The following DGKI variants were observed in gnomAD, a reference collection of about 807,000 sequenced individuals.
DGKI encodes the protein diacylglycerol kinase iota, also known as DAG kinase iota.
In DGKI, 55 loss-of-function variants were observed where a neutral mutation model predicts 147.5. The observed-to-expected ratio is 0.37, with a 90% CI of 0.30 to 0.47. The LOEUF (loss-of-function observed/expected upper bound fraction) is 0.47. Among genes scored for constraint, DGKI ranks in the 20% least tolerant of loss-of-function variants. The pLI, the probability that DGKI is intolerant of heterozygous loss-of-function variation, is 1.00. For synonymous variants in DGKI, 469 were observed against 477.1 expected (o/e 0.98, Z 0.22); for missense variants, 1,007 against 1,323.8 (o/e 0.76, Z 3.71).
chr7:137,436,422 C>T (rs1813288723), intron 28 of DGKI, among the ~76,000 whole-genome samples: 1 of 152,054 alleles, frequency 6.6e-6, no homozygotes, highest in African/African-American at 2.4e-5. Context: ...TTTCCTATTA[C>T]ACCAGCTCAA....
intron 1 of DGKI, among the ~76,000 whole-genome samples, chr7:137,713,519 T>C (rs957527191): frequency 2.6e-5 from 4 of 152,252 alleles, no homozygotes; most frequent in Non-Finnish European, 4.4e-5. Context: ...GAACTCATGC[T>C]AGCTCTTTAT....
chr7:137,451,455 AC>A (rs1227340178), intron 27 of DGKI, among the ~76,000 whole-genome samples: 1 of 152,214 alleles, frequency 6.6e-6, no homozygotes, highest in Non-Finnish European at 1.5e-5. Flanking sequence ...CCTTCAATCC[AC>A]AAATTTTCCT....
chr7:137,426,755 C>G (rs1486940568), intron 28 of DGKI, among the ~76,000 whole-genome samples: 3 of 151,224 alleles, frequency 2.0e-5, no homozygotes, highest in Non-Finnish European at 4.4e-5. Flanking sequence ...CAATCCTAGT[C>G]TCTGATAAAA....
intron 1 of DGKI, among the ~76,000 whole-genome samples, chr7:137,834,956 C>T (rs1307432610): frequency 6.6e-6 from 1 of 152,188 alleles, no homozygotes; most frequent in African/African-American, 2.4e-5. Flanking sequence ...ATTAAGTATA[C>T]GTCCTCCTCT....
At chr7:137,747,823 T>C (rs538566247) in intron 1 of DGKI, among the ~76,000 whole-genome samples, 5 of 152,324 alleles carry the variant, frequency 3.3e-5, no homozygotes, top group Admixed American at 6.5e-5. Context: ...AAACCCCTAC[T>C]GCCACTCACT....
intron 28 of DGKI, among the ~76,000 whole-genome samples, chr7:137,437,031 A>T (rs1339061469): frequency 6.6e-6 from 1 of 152,168 alleles, no homozygotes; most frequent in East Asian, 1.9e-4. Flanking sequence ...CATCATGACC[A>T]CCTGGCAGTG....
intron 28 of DGKI, among the ~76,000 whole-genome samples, chr7:137,440,229 A>G (rs544944493): frequency 6.6e-6 from 1 of 152,228 alleles, no homozygotes; most frequent in African/African-American, 2.4e-5. Flanking sequence ...GTAGGGCTCC[A>G]GTTTCCAGAT....
In DGKI at chr7:137,648,625, G is replaced by C. The variant is rs189158851; in HGVS notation, c.739-3088C>G. Among the ~76,000 whole-genome samples, 206 of 152,310 alleles carry C rather than the reference G, an allele frequency of 1.4e-3. 2 individuals are homozygous for C. Among genetic ancestry groups the C allele is most frequent in the Non-Finnish European group, 2.1e-3 (144 of 68,032 alleles). On this transcript the variant is annotated intron_variant, in intron 5 of 32. Coordinates refer to ENST00000614521, the MANE Select transcript of DGKI (RefSeq NM_001321708.2). The stretch of plus-strand genomic sequence containing the variant: ...GGGGTGATTCATATCCCAGGACAGA[G>C]CAGGATGGCACAAGATTTCGTCGTG...
intron 1 of DGKI, among the ~76,000 whole-genome samples, chr7:137,751,324 A>G (rs1383027104): frequency 6.6e-6 from 1 of 152,238 alleles, no homozygotes; most frequent in African/African-American, 2.4e-5. Flanking sequence ...CCACTATCAG[A>G]CATCTCTGTT....
intron 5 of DGKI, among the ~76,000 whole-genome samples, chr7:137,648,727 T>C (rs1585326817): frequency 6.6e-6 from 1 of 152,192 alleles, no homozygotes; most frequent in East Asian, 1.9e-4. Flanking sequence ...TTTTGGACTG[T>C]GGTTGACCTT....
chr7:137,535,929 A>C (rs188532322), intron 20 of DGKI, among the ~76,000 whole-genome samples: 2 of 152,244 alleles, frequency 1.3e-5, no homozygotes, highest in Admixed American at 1.3e-4. Context: ...AAAAGACTTC[A>C]AATTACTTAG....
intron 1 of DGKI, among the ~76,000 whole-genome samples, chr7:137,755,906 C>T (rs1795663489): frequency 6.6e-6 from 1 of 152,168 alleles, no homozygotes; most frequent in African/African-American, 2.4e-5. Context: ...AAGAAAAAGA[C>T]TTGGGTTCCT....
intron 19 of DGKI, among the ~76,000 whole-genome samples, chr7:137,553,862 T>C (rs1818133012): frequency 1.3e-5 from 2 of 152,226 alleles, no homozygotes; most frequent in Non-Finnish European, 2.9e-5. Context: ...GATTTTACTC[T>C]TTTTATTTTG....
chr7:137,738,850 G>A (rs1271204405), intron 1 of DGKI, among the ~76,000 whole-genome samples: 3 of 150,484 alleles, frequency 2.0e-5, no homozygotes, highest in Non-Finnish European at 2.9e-5. Flanking sequence ...ACCAGAACAC[G>A]CAGGTCTGGT....
chr7:137,543,036 G>C (rs368392179), intron 20 of DGKI, among the ~76,000 whole-genome samples: 22 of 152,326 alleles, frequency 1.4e-4, no homozygotes, highest in East Asian at 9.6e-4. Context: ...GATGGGGGAA[G>C]AGCAGGAGGG....
intron 3 of DGKI, among the ~76,000 whole-genome samples, chr7:137,664,095 G>A (rs1330973638): frequency 6.6e-6 from 1 of 152,150 alleles, no homozygotes; most frequent in African/African-American, 2.4e-5. Flanking sequence ...AAAATAGTGC[G>A]GCTGGGTGCA....
chr7:137,588,624 A>G (rs1452027765), intron 12 of DGKI, among the ~76,000 whole-genome samples: 1 of 152,080 alleles, frequency 6.6e-6, no homozygotes, highest in South Asian at 2.1e-4. Context: ...CTACAGGCGT[A>G]TGCCACCACG....
intron 1 of DGKI, among the ~76,000 whole-genome samples, chr7:137,750,021 G>A (rs1336409079): frequency 1.3e-5 from 2 of 152,138 alleles, no homozygotes; most frequent in Non-Finnish European, 2.9e-5. Flanking sequence ...CAGTAGAGCA[G>A]AGACCTGCAC....
intron 1 of DGKI, among the ~76,000 whole-genome samples, chr7:137,691,365 G>C (rs1244739649): frequency 6.6e-6 from 1 of 152,136 alleles, no homozygotes; most frequent in Non-Finnish European, 1.5e-5. Flanking sequence ...CCATCTCTGA[G>C]ATGAGGCCTG....
Sources: allele counts gnomAD v4.1 joint callset (sites outside exome capture counted in the v4.1 genomes callset), GRCh38; gene constraint gnomAD v4.1.1; transcripts MANE v1.5; gene names NCBI Gene and HGNC (gene_info 2026-07-23, HGNC 2026-07-21).